The following FAM120B variants were observed in gnomAD, a reference collection of about 807,000 sequenced individuals.
The protein encoded by FAM120B is constitutive coactivator of peroxisome proliferator-activated receptor gamma.
In FAM120B, 83 loss-of-function variants were observed where a neutral mutation model predicts 96.3. The ratio of observed to expected loss-of-function variants is 0.86; its 90% CI spans 0.72 to 1.03. FAM120B has a LOEUF of 1.03. FAM120B is among the 50% of genes least tolerant of loss of function. FAM120B has a pLI of 0.00. For missense variants in FAM120B, 1,027 were observed against 1,121.2 expected, an observed-to-expected ratio of 0.92 and a Z score of 1.20; for synonymous variants, 407 against 402.7, an observed-to-expected ratio of 1.01 and a Z score of -0.13.
At chr6:170,358,094 G>A (rs1453873425) in intron 5 of FAM120B, 132 bp from the exon 6 acceptor site, 6 of 709,296 alleles carry the variant, frequency 8.5e-6, no homozygotes, top group African/African-American at 1.8e-5. Context: ...GTGCCTGTGC[G>A]TGTGCCTGTA....
chr6:170,375,811 T>C lies in FAM120B; in HGVS notation c.2284-12476T>C, dbSNP rs79731390. Among the ~76,000 whole-genome samples the C allele has an allele frequency of 1.8e-3, 281 of 152,146 alleles. 7 individuals carry two copies. In the East Asian group the frequency reaches 0.049, roughly 27 times the overall value. On this transcript the variant is annotated intron_variant, in intron 6 of 10. Transcript: ENST00000476287. Reference sequence around the variant, plus strand: ...ACGAGGGATGGTCCCCGTCTGGGCATAGAAGATGTCTCAGAGACTCCAAGG... The same window carrying C: ...ACGAGGGATGGTCCCCGTCTGGGCACAGAAGATGTCTCAGAGACTCCAAGG...
intron 5 of FAM120B, among the ~76,000 whole-genome samples, chr6:170,356,001 C>A (rs1203009581): frequency 6.6e-6 from 1 of 152,146 alleles, no homozygotes; most frequent in Non-Finnish European, 1.5e-5. Context: ...CCTGCTGTTC[C>A]ATATGAACGA....
In FAM120B at chr6:170,357,366, C is replaced by T. The variant is rs534030826; in HGVS notation, c.2191-860C>T. Among the ~76,000 whole-genome samples the T allele has an allele frequency of 4.6e-5, 7 of 152,200 alleles. No individual in the cohort carries two copies. In the South Asian group the frequency reaches 1.0e-3, roughly 23 times the overall value. ...CGTCTGCTCTTGATGGGGTCTGGAC[C>T]GTCCGTGTCTTCCCCGCTCTTCACG... On this transcript the variant is annotated intron_variant, in intron 5 of 10. Coordinates refer to ENST00000476287, the MANE Select transcript of FAM120B (RefSeq NM_032448.3).
rs1423943884 is a variant in FAM120B, at chr6:170,326,251, T to A, written c.1915+2992T>A. Among the ~76,000 whole-genome samples the A allele has an allele frequency of 4.4e-4, 67 of 151,692 alleles. 1 individual carries two copies. The highest frequency in any genetic ancestry group is 4.4e-3 in the Admixed American group (67 of 15,264). On this transcript the variant is annotated intron_variant, in intron 3 of 10. Transcript: ENST00000476287. ...CTGCAGACCTTATTCAGTTGTGCCA[T>A]TTTTTACATGCATGCATTTATGTGT... is the stretch of plus-strand genomic sequence containing the variant.
intron 6 of FAM120B, among the ~76,000 whole-genome samples, chr6:170,372,707 C>A (rs1355340855): frequency 6.6e-6 from 1 of 152,150 alleles, no homozygotes; most frequent in Non-Finnish European, 1.5e-5. Flanking sequence ...GTTTTGGCTC[C>A]TCCTGCCCCT....
At chr6:170,294,034 A>G (rs148395731), upstream of FAM120B, among the ~76,000 whole-genome samples, 26 of 152,290 alleles carry the variant, frequency 1.7e-4, no homozygotes, top group East Asian at 4.3e-3. This position sits in a 1 kb window ranked among gnomAD's most constrained non-coding sequence, Gnocchi z 7.9. Flanking sequence ...TCAGCCCCCT[A>G]GCCAGCCATC....
chr6:170,319,982 G>C (rs917096219), intron 2 of FAM120B, among the ~76,000 whole-genome samples: 1 of 152,228 alleles, frequency 6.6e-6, no homozygotes, highest in Non-Finnish European at 1.5e-5. Context: ...GGGCCACTAC[G>C]TGTGAGGTTC....
intron 6 of FAM120B, among the ~76,000 whole-genome samples, chr6:170,367,191 A>C (rs1353274003): frequency 1.3e-5 from 2 of 152,274 alleles, no homozygotes; most frequent in Non-Finnish European, 2.9e-5. Flanking sequence ...TTTTGCTACA[A>C]ATTAATGAAA....
At chr6:170,404,670 T>C in intron 10 of FAM120B, 69 bp downstream of exon 10, 2 of 1,212,788 alleles carry the variant, frequency 1.6e-6, no homozygotes, top group Admixed American at 1.8e-5. Context: ...AAATCTTCCA[T>C]ATCAAGTACC....
intron 6 of FAM120B, among the ~76,000 whole-genome samples, chr6:170,361,915 T>C (rs1788486275): frequency 6.6e-6 from 1 of 152,174 alleles, no homozygotes; most frequent in Non-Finnish European, 1.5e-5. Flanking sequence ...TGCCTCAGCC[T>C]TCTGAGTAGT....
chr6:170,356,396 T>C (rs183735875), intron 5 of FAM120B, among the ~76,000 whole-genome samples: 6 of 152,340 alleles, frequency 3.9e-5, no homozygotes, highest in African/African-American at 1.4e-4. Context: ...ACTCTCAGAA[T>C]TAATCAGGCT....
At chr6:170,382,135 G>A (rs536158109) in intron 6 of FAM120B, among the ~76,000 whole-genome samples, 3 of 152,248 alleles carry the variant, frequency 2.0e-5, no homozygotes, top group East Asian at 3.9e-4. Flanking sequence ...AAAAACTAGA[G>A]CTAGGTGGGG....
intron 1 of FAM120B, among the ~76,000 whole-genome samples, chr6:170,315,456 G>C (rs145166036): frequency 7.2e-5 from 11 of 152,172 alleles, no homozygotes; most frequent in African/African-American, 2.6e-4. Flanking sequence ...CCTGGACATA[G>C]GTTCCATGCC....
intron 9 of FAM120B, among the ~76,000 whole-genome samples, chr6:170,401,227 G>C (rs1360970640): frequency 1.3e-5 from 2 of 152,210 alleles, no homozygotes; most frequent in Non-Finnish European, 2.9e-5. Context: ...AGTCGCCCCG[G>C]TCTTGCCAGA....
chr6:170,372,054 T>A lies in FAM120B; in HGVS notation c.2283+13736T>A, dbSNP rs77106373. ...ATTTATTCAGTTATTTTTAAAGAGT[T>A]TATCCTACTGATATGAGTAAAATAA... On this transcript the variant is annotated intron_variant, in intron 6 of 10. Coordinates refer to ENST00000476287, the MANE Select transcript of FAM120B (RefSeq NM_032448.3). Among the ~76,000 whole-genome samples the A allele has an allele frequency of 1.1e-4, 16 of 152,340 alleles. No homozygotes were observed. In the East Asian group the frequency reaches 3.1e-3, roughly 29 times the overall value.
chr6:170,365,854 A>G (rs114101855), intron 6 of FAM120B, among the ~76,000 whole-genome samples: 1,903 of 152,226 alleles, frequency 0.013, 50 homozygotes, highest in African/African-American at 0.044. Context: ...CAGAATTGCA[A>G]AGCCTGGCCA....
At chr6:170,350,429 C>T (rs1277399745) in intron 5 of FAM120B, among the ~76,000 whole-genome samples, 1 of 152,216 alleles carries the variant, frequency 6.6e-6, no homozygotes, top group Admixed American at 6.5e-5. Context: ...ATCTCCAGTG[C>T]AGCACATTGG....
At chr6:170,402,785 G>A (rs547798813) in intron 9 of FAM120B, among the ~76,000 whole-genome samples, 1 of 152,296 alleles carries the variant, frequency 6.6e-6, no homozygotes, top group African/African-American at 2.4e-5. Flanking sequence ...AGGCCTAAGG[G>A]AGCATGTTTT....
chr6:170,290,873 C>T (rs2114968802), upstream of FAM120B: 3 of 675,762 alleles, frequency 4.4e-6, no homozygotes, highest in African/African-American at 5.3e-5. This position sits in a 1 kb window ranked among gnomAD's most constrained non-coding sequence, Gnocchi z 4.7. Context: ...TGCCCGGGTT[C>T]CCCTGCGCTC....
Sources: allele counts gnomAD v4.1 joint callset (sites outside exome capture counted in the v4.1 genomes callset), GRCh38; gene constraint gnomAD v4.1.1; non-coding constraint Gnocchi (gnomAD v3.1); transcripts MANE v1.5; gene names NCBI Gene and HGNC (gene_info 2026-07-23, HGNC 2026-07-21).